Variants in SETBP1 observed in about 807,000 individuals in gnomAD.
SETBP1 encodes the protein SET-binding protein.
In SETBP1, 9 loss-of-function variants were observed where a neutral mutation model predicts 101.0. The ratio of observed to expected loss-of-function variants is 0.09; its 90% CI spans 0.05 to 0.16. The LOEUF (loss-of-function observed/expected upper bound fraction) is 0.16, where lower values mean the gene tolerates loss of function less well. SETBP1 is among the 10% of genes least tolerant of loss of function. The probability of loss-of-function intolerance (pLI) is 1.00; values close to 1 mark genes in which losing one functional copy is unlikely to be tolerated. For missense variants in SETBP1, 1,858 were observed against 2,033.8 expected (o/e 0.91, Z 1.66); for synonymous variants, 818 against 788.5 (o/e 1.04, Z -0.63).
At chr18:44,897,766 A>G (rs1220111220) in intron 3 of SETBP1, among the ~76,000 whole-genome samples, 1 of 152,194 alleles carries the variant, frequency 6.6e-6, no homozygotes, top group Non-Finnish European at 1.5e-5. Context: ...GGAGGAAGAC[A>G]GCTCTAGTGC....
chr18:44,918,282 GTCA>G (rs1318268335), intron 3 of SETBP1, among the ~76,000 whole-genome samples: 5 of 152,236 alleles, frequency 3.3e-5, no homozygotes, highest in Non-Finnish European at 7.3e-5. Context: ...TGGGGCAAGG[GTCA>G]CTGGGGTGGA....
At chr18:44,929,397 CG>C (rs1457531618) in intron 3 of SETBP1, among the ~76,000 whole-genome samples, 21 of 152,076 alleles carry the variant, frequency 1.4e-4, no homozygotes, top group Admixed American at 1.4e-3. Context: ...CTTTTGGCTT[CG>C]GATTGTCTTG....
At chr18:44,698,563 C>T (rs535980878) in intron 1 of SETBP1, among the ~76,000 whole-genome samples, 1 of 152,298 alleles carries the variant, frequency 6.6e-6, no homozygotes, top group South Asian at 2.1e-4. Context: ...CCTTTCTCTG[C>T]TACGTCTTCC....
At chr18:44,860,444 A>G (rs1458480268) in intron 2 of SETBP1, among the ~76,000 whole-genome samples, 1 of 152,234 alleles carries the variant, frequency 6.6e-6, no homozygotes, top group African/African-American at 2.4e-5. Context: ...TGAAGACAGC[A>G]GGCATACTGC....
chr18:44,961,703 A>G (rs567456116), intron 4 of SETBP1, among the ~76,000 whole-genome samples: 2 of 152,244 alleles, frequency 1.3e-5, no homozygotes, highest in South Asian at 4.2e-4. Context: ...AGGTTATAGT[A>G]TTTGAAAAGA....
intron 1 of SETBP1, among the ~76,000 whole-genome samples, chr18:44,691,285 T>C (rs142193772): frequency 2.4e-3 from 373 of 152,272 alleles, no homozygotes; most frequent in African/African-American, 8.6e-3. Context: ...TGCATCACAG[T>C]GCTGTTGTGT....
chr18:44,908,366 C>A (rs2070226676), intron 3 of SETBP1, among the ~76,000 whole-genome samples: 1 of 152,084 alleles, frequency 6.6e-6, no homozygotes, highest in Non-Finnish European at 1.5e-5. Flanking sequence ...TCCTTTTCTT[C>A]TTTCTCCTTC....
intron 2 of SETBP1, among the ~76,000 whole-genome samples, chr18:44,742,637 C>G (rs2070123969): frequency 6.6e-6 from 1 of 152,116 alleles, no homozygotes; most frequent in Admixed American, 6.5e-5. Context: ...AGAAAGTCTT[C>G]TTTCTTCTCT....
At chr18:44,902,019 T>C (rs1196017988) in intron 3 of SETBP1, among the ~76,000 whole-genome samples, 1 of 152,182 alleles carries the variant, frequency 6.6e-6, no homozygotes, top group African/African-American at 2.4e-5. Flanking sequence ...TGCTTTCATG[T>C]AGTAGCCAGT....
intron 3 of SETBP1, among the ~76,000 whole-genome samples, chr18:44,874,508 G>A (rs1174520899): frequency 6.6e-6 from 1 of 152,192 alleles, no homozygotes; most frequent in Non-Finnish European, 1.5e-5. Context: ...GAGTAGGGGG[G>A]AATGAAGGTG....
intron 3 of SETBP1, among the ~76,000 whole-genome samples, chr18:44,899,686 T>C (rs948514418): frequency 6.6e-5 from 10 of 152,198 alleles, no homozygotes; most frequent in Admixed American, 5.9e-4. Flanking sequence ...AACTTTATTA[T>C]GCATTGATCT....
At chr18:44,957,292 C>T (rs1467622023) in intron 4 of SETBP1, among the ~76,000 whole-genome samples, 1 of 152,022 alleles carries the variant, frequency 6.6e-6, no homozygotes, top group Non-Finnish European at 1.5e-5. Context: ...ATTCAGACCA[C>T]TTGGAAACAA....
At chr18:44,938,720 G>A (rs2071017678) in intron 3 of SETBP1, among the ~76,000 whole-genome samples, 2 of 152,198 alleles carry the variant, frequency 1.3e-5, no homozygotes, top group African/African-American at 4.8e-5. Flanking sequence ...TGGTGGCCCA[G>A]GTTAGGGAAA....
chr18:44,691,283 A>G (rs1481544501), intron 1 of SETBP1, among the ~76,000 whole-genome samples: 2 of 152,204 alleles, frequency 1.3e-5, no homozygotes, highest in South Asian at 2.1e-4. Flanking sequence ...TCTGCATCAC[A>G]GTGCTGTTGT....
intron 5 of SETBP1, among the ~76,000 whole-genome samples, chr18:45,060,086 ATATT>A (rs2073868666): frequency 6.6e-6 from 1 of 152,202 alleles, no homozygotes; most frequent in South Asian, 2.1e-4. Context: ...CCATGTTGAT[ATATT>A]TATGTGTAGT....
intron 1 of SETBP1, among the ~76,000 whole-genome samples, chr18:44,699,497 G>A (rs922101074): frequency 6.6e-5 from 10 of 152,174 alleles, no homozygotes; most frequent in African/African-American, 2.4e-4. Flanking sequence ...ATCAGTAAAA[G>A]AAACATCAAG....
intron 2 of SETBP1, among the ~76,000 whole-genome samples, chr18:44,756,631 T>C (rs972773538): frequency 2.0e-4 from 30 of 152,336 alleles, no homozygotes; most frequent in African/African-American, 7.2e-4. Context: ...AAGCAATTCT[T>C]TGGATGTGTC....
chr18:44,686,088 T>C (rs770986904), intron 1 of SETBP1, among the ~76,000 whole-genome samples: 1 of 152,238 alleles, frequency 6.6e-6, no homozygotes, highest in Non-Finnish European at 1.5e-5. Flanking sequence ...CAGGACAGAA[T>C]TTCTAGCCCC....
chr18:44,914,055 C>A (rs2070374132), intron 3 of SETBP1, among the ~76,000 whole-genome samples: 1 of 152,214 alleles, frequency 6.6e-6, no homozygotes, highest in Non-Finnish European at 1.5e-5. Flanking sequence ...AGCTGGGGGA[C>A]AGGCCCTAGA....
Sources: gnomAD v4.1 joint callset for allele counts (sites outside exome capture counted in the v4.1 genomes callset) on GRCh38, gnomAD v4.1.1 for gene constraint, MANE v1.5 for transcripts, NCBI Gene and HGNC (gene_info 2026-07-23, HGNC 2026-07-21) for gene names.